CNTNAP2: variants seen among roughly 807,000 people sequenced by gnomAD.
The protein encoded by CNTNAP2 is contactin-associated protein-like 2.
CNTNAP2 carries 98 observed loss-of-function variants against 155.2 expected under a neutral mutation model. The observed-to-expected ratio is 0.63, with a 90% CI of 0.54 to 0.75. The LOEUF (loss-of-function observed/expected upper bound fraction) is 0.75. Ranked by LOEUF, CNTNAP2 falls within the 30% of genes least tolerant of loss-of-function variation. The pLI is 0.00. For synonymous variants in CNTNAP2, 651 were observed against 631.2 expected (o/e 1.03, Z -0.47); for missense variants, 1,727 against 1,688.1 (o/e 1.02, Z -0.40).
At chr7:146,634,360 A>G (rs73470663) in intron 1 of CNTNAP2, among the ~76,000 whole-genome samples, 1 of 152,176 alleles carries the variant, frequency 6.6e-6, no homozygotes, top group African/African-American at 2.4e-5. Flanking sequence ...ACATTAATGA[A>G]AACTGATCTC....
intron 13 of CNTNAP2, among the ~76,000 whole-genome samples, chr7:147,772,489 C>CAA (rs1243346516): frequency 0.018 from 1,873 of 103,610 alleles, 161 homozygotes; most frequent in African/African-American, 0.069. Flanking sequence ...TATATACACA[C>CAA]ACAAAAAAAA....
chr7:147,858,499 G>A (rs889777799), intron 13 of CNTNAP2, among the ~76,000 whole-genome samples: 5 of 152,224 alleles, frequency 3.3e-5, no homozygotes, highest in African/African-American at 9.7e-5. Flanking sequence ...TTATTGAGAT[G>A]TTGTTTAATA....
At chr7:147,734,983 ATT>A (rs144986879) in intron 13 of CNTNAP2, among the ~76,000 whole-genome samples, 2 of 148,580 alleles carry the variant, frequency 1.3e-5, no homozygotes, top group Admixed American at 1.3e-4. Context: ...GGATTCATTG[ATT>A]TTTTTTTTTG....
At chr7:146,933,441 G>C (rs1368660909) in intron 3 of CNTNAP2, among the ~76,000 whole-genome samples, 1 of 151,358 alleles carries the variant, frequency 6.6e-6, no homozygotes, top group African/African-American at 2.4e-5. Flanking sequence ...ATTAATTCAG[G>C]ATGGATTAAA....
At chr7:148,394,409 T>C (rs1307458854) in intron 22 of CNTNAP2, among the ~76,000 whole-genome samples, 1 of 152,224 alleles carries the variant, frequency 6.6e-6, no homozygotes, top group African/African-American at 2.4e-5. Context: ...CATTGAGCTT[T>C]TATTATCACA....
At chr7:148,174,961 T>C (rs1391637868) in intron 18 of CNTNAP2, among the ~76,000 whole-genome samples, 1 of 152,082 alleles carries the variant, frequency 6.6e-6, no homozygotes, top group African/African-American at 2.4e-5. Context: ...CCTGTGGCCA[T>C]GTGTTCTCAC....
intron 10 of CNTNAP2, among the ~76,000 whole-genome samples, chr7:147,431,787 G>T (rs1407465490): frequency 6.6e-6 from 1 of 151,858 alleles, no homozygotes; most frequent in Non-Finnish European, 1.5e-5. Flanking sequence ...CTATCTTTTT[G>T]AGTTCTGCCT....
At chr7:147,337,849 T>C (rs1795690860) in intron 9 of CNTNAP2, among the ~76,000 whole-genome samples, 1 of 152,074 alleles carries the variant, frequency 6.6e-6, no homozygotes. Flanking sequence ...AGAAGAAAAA[T>C]AACTCTAGTC....
chr7:146,926,627 G>A (rs1796615413), intron 3 of CNTNAP2, among the ~76,000 whole-genome samples: 1 of 152,018 alleles, frequency 6.6e-6, no homozygotes, highest in Non-Finnish European at 1.5e-5. Flanking sequence ...GAAATATTTT[G>A]TAGCTTTTGA....
chr7:148,357,179 C>T lies in CNTNAP2; in HGVS notation c.3476-26470C>T, dbSNP rs117689458. ...ATTGAATCATGGGGGTGGGTCTTTCCTGTGCTGTTGTGATAGTAAATGAGT... is the reference window on the plus strand; with the variant it reads ...ATTGAATCATGGGGGTGGGTCTTTCTTGTGCTGTTGTGATAGTAAATGAGT... On this transcript the variant is annotated intron_variant, in intron 21 of 23. Transcript: ENST00000361727. Among the ~76,000 whole-genome samples, 131 of 152,210 alleles carry T rather than the reference C, an allele frequency of 8.6e-4. No individual in the cohort carries two copies. In the East Asian group the frequency reaches 0.022, roughly 26 times the overall value.
At chr7:147,137,184 A>G (rs938950837) in intron 8 of CNTNAP2, among the ~76,000 whole-genome samples, 2 of 151,448 alleles carry the variant, frequency 1.3e-5, no homozygotes, top group East Asian at 2.0e-4. Flanking sequence ...GATTTTAAAG[A>G]GTGTATTTTT....
chr7:146,812,449 T>C (rs1803085085), intron 2 of CNTNAP2, among the ~76,000 whole-genome samples: 1 of 147,196 alleles, frequency 6.8e-6, no homozygotes, highest in South Asian at 2.1e-4. Context: ...ATAAAAAATA[T>C]ATATATATAT....
intron 4 of CNTNAP2, among the ~76,000 whole-genome samples, chr7:147,077,887 C>T (rs990774287): frequency 4.6e-5 from 7 of 152,134 alleles, no homozygotes; most frequent in Non-Finnish European, 7.4e-5. Context: ...CTTCAAGATA[C>T]ACAGATTACA....
chr7:147,476,251 G>A (rs957881919), intron 10 of CNTNAP2, among the ~76,000 whole-genome samples: 39 of 151,924 alleles, frequency 2.6e-4, no homozygotes, highest in East Asian at 1.4e-3. Flanking sequence ...GACTACAGGC[G>A]CCCGCCACCA....
chr7:147,448,212 TC>T lies in CNTNAP2; in HGVS notation c.1671-37722del, dbSNP rs571571651. On this transcript the variant is annotated intron_variant, in intron 10 of 23. Transcript: ENST00000361727. ...TCTGTTTCTGAAAATGTAAAAATAT[TC>T]TTTTAATGTTTGTAGTTTTTAATCT... Among the ~76,000 whole-genome samples the T allele has an allele frequency of 3.2e-3, 490 of 152,244 alleles. 4 individuals are homozygous for T. The highest frequency in any genetic ancestry group is 0.011 in the African/African-American group (460 of 41,552).
chr7:147,686,541 A>T (rs764370907), intron 13 of CNTNAP2, among the ~76,000 whole-genome samples: 4 of 152,028 alleles, frequency 2.6e-5, no homozygotes, highest in Non-Finnish European at 5.9e-5. Context: ...GTCCAATTAA[A>T]ATCACCAAGA....
intron 20 of CNTNAP2, among the ~76,000 whole-genome samples, chr7:148,234,466 C>T (rs1796014744): frequency 6.6e-6 from 1 of 152,218 alleles, no homozygotes; most frequent in Non-Finnish European, 1.5e-5. Context: ...TGCCCTATTT[C>T]TTCAGATTTT....
intron 15 of CNTNAP2, among the ~76,000 whole-genome samples, chr7:148,077,330 A>G (rs1224001068): frequency 1.3e-5 from 2 of 152,216 alleles, no homozygotes; most frequent in Admixed American, 1.3e-4. Context: ...ATTACCACAC[A>G]TACTAACAAT....
chr7:146,310,003 T>C (rs1800791983), intron 1 of CNTNAP2, among the ~76,000 whole-genome samples: 1 of 152,222 alleles, frequency 6.6e-6, no homozygotes, highest in Non-Finnish European at 1.5e-5. Context: ...AGTGCAAATA[T>C]GTTATTGTGT....
Sources: gnomAD v4.1 joint callset for allele counts (sites outside exome capture counted in the v4.1 genomes callset) on GRCh38, gnomAD v4.1.1 for gene constraint, MANE v1.5 for transcripts, NCBI Gene and HGNC (gene_info 2026-07-23, HGNC 2026-07-21) for gene names.